ADAMTS4: variants seen among roughly 807,000 people sequenced by gnomAD.
ADAMTS4 encodes A disintegrin and metalloproteinase with thrombospondin motifs 4.
A neutral mutation model predicts 66.7 loss-of-function variants in ADAMTS4; 38 were observed. The ratio of observed to expected loss-of-function variants is 0.57; its 90% CI spans 0.44 to 0.75. The LOEUF (loss-of-function observed/expected upper bound fraction) is 0.75. Ranked by LOEUF, ADAMTS4 falls within the 30% of genes least tolerant of loss-of-function variation. The pLI is 0.00. For missense variants in ADAMTS4, 1,014 were observed against 1,116.7 expected, an observed-to-expected ratio of 0.91 and a Z score of 1.31; for synonymous variants, 418 against 461.5, an observed-to-expected ratio of 0.91 and a Z score of 1.21.
In ADAMTS4 at chr1:161,198,721, G is replaced by T; in HGVS notation, c.-94C>A. On this transcript the variant is annotated 5_prime_UTR_variant, in exon 1 of 9. Coordinates refer to ENST00000367996, the MANE Select transcript of ADAMTS4 (RefSeq NM_005099.6). The surrounding 1 kb of genome is among the most constrained non-coding windows in gnomAD (Gnocchi z 4.7). Reference sequence around the variant, plus strand: ...GGAAAGCTCCTCTCTGTAGCCTGGGGGCTTGGACTCCTGCCAAGGTCAGAG... The same window carrying T: ...GGAAAGCTCCTCTCTGTAGCCTGGGTGCTTGGACTCCTGCCAAGGTCAGAG... 8.1e-7 allele frequency: 1 copy of T among 1,227,402 alleles called. No homozygotes were observed. The highest frequency in any genetic ancestry group is 1.1e-6 in the Non-Finnish European group (1 of 909,858). The allele number at this position is 1,227,402 out of a possible 1,614,324, so 76.0% of individuals were successfully genotyped here.
chr1:161,191,657 T>C, intron 8 of ADAMTS4, 93 bp from the exon 9 acceptor site: 1 of 1,288,620 alleles, frequency 7.8e-7, no homozygotes, highest in South Asian at 1.4e-5. Context: ...TGTACATGTG[T>C]GTAGATGGCT....
In ADAMTS4 at chr1:161,186,753, C is replaced by A. The variant is rs1159184905; in HGVS notation, c.*4385G>T. 6.6e-6 allele frequency: 1 copy of A among 152,218 alleles called. No homozygotes were observed. The highest frequency in any genetic ancestry group is 2.4e-5 in the African/African-American group (1 of 41,408). The allele number at this position is 152,218 out of a possible 1,614,324, so 9.4% of individuals were successfully genotyped here. A position where few individuals can be genotyped will look rare whatever the true frequency, so the allele number is the denominator to read the frequency against. On this transcript the variant is annotated 3_prime_UTR_variant, in exon 9 of 9. Coordinates refer to ENST00000367996, the MANE Select transcript of ADAMTS4 (RefSeq NM_005099.6). Reference sequence around the variant, plus strand: ...GTGGTTCACACTGGTCATCCCAACACTTTGGGAGATCGAGGTGGGAAGATC... The same window carrying A: ...GTGGTTCACACTGGTCATCCCAACAATTTGGGAGATCGAGGTGGGAAGATC...
rs1664587112 is a variant in ADAMTS4 at position 161,188,408 on chromosome 1, AATCTT to A, written c.*2725_*2729del. On this transcript the variant is annotated 3_prime_UTR_variant, in exon 9 of 9. Transcript: ENST00000367996. The stretch of plus-strand genomic sequence containing the variant: ...TGCCACCACGCCCGGCTAATTTTTC[AATCTT>A]TTTTTTTTTTGGTAGAGATGGAATC... 2 of 134,468 alleles carry A rather than the reference AATCTT, an allele frequency of 1.5e-5. No individual in the cohort carries two copies. The highest frequency in any genetic ancestry group is 4.3e-4 in the East Asian group (2 of 4,598). 8.3% of individuals were successfully genotyped at this position (134,468 alleles called of 1,614,324 possible).
At position 161,196,240 on chromosome 1, in the gene ADAMTS4, G is replaced by C. The variant is rs766307909; in HGVS notation, c.1021C>G (p.Pro341Ala). 2 of 1,613,504 alleles carry C rather than the reference G, an allele frequency of 1.2e-6. No homozygotes were observed. Among genetic ancestry groups the C allele is most frequent in the Non-Finnish European group, 1.7e-6 (2 of 1,179,802 alleles). Residue 341 changes from proline to alanine, a missense_variant, in exon 3 of 9, where the codon CCG becomes GCG. Pro to Ala is a conservative substitution (Grantham distance 27). Coordinates refer to ENST00000367996, the MANE Select transcript of ADAMTS4 (RefSeq NM_005099.6). Reference sequence around the variant, plus strand: ...TCCACAATGGCACAGCTCCGAGCCGGGTCACAGACGGTGCCCACATCAGCC... The same window carrying C: ...TCCACAATGGCACAGCTCCGAGCCGCGTCACAGACGGTGCCCACATCAGCC... ...GMADVGTVCD[P>A]ARSCAIVEDD...
At chr1:161,196,357 T>A in intron 2 of ADAMTS4, 54 bp from the exon 3 acceptor site, 1 of 1,554,794 alleles carries the variant, frequency 6.4e-7, no homozygotes, top group East Asian at 2.3e-5. Flanking sequence ...CTGGGTCCAT[T>A]GGGTTGAGAT....
chr1:161,191,443 C>A lies in ADAMTS4; in HGVS notation c.2209G>T (p.Ala737Ser). Residue 737 changes from alanine (A) to serine (S), a missense_variant, in exon 9 of 9, where the codon GCC becomes TCC. By Grantham distance (99) the Ala-to-Ser change is moderately conservative. Transcript: ENST00000367996. ...LALKLPDGSYALNGEYTLMPS... is the reference protein window; with the variant it reads ...LALKLPDGSYSLNGEYTLMPS... ...ATCAGCGTGTATTCACCATTGAGGG[C>A]ATAGGAGCCATCTGGCAGCTTCAGG... The A allele has an allele frequency of 2.5e-6, 4 of 1,614,196 alleles. No homozygotes were observed. Among genetic ancestry groups the A allele is most frequent in the Non-Finnish European group, 3.4e-6 (4 of 1,180,020 alleles).
At position 161,196,250 on chromosome 1, in the gene ADAMTS4, G is replaced by C. The variant is rs200972922; in HGVS notation, c.1011C>G (p.Thr337=). Residue 337 remains threonine, a synonymous_variant, in exon 3 of 9, where the codon ACC becomes ACG. Coordinates refer to ENST00000367996, the MANE Select transcript of ADAMTS4 (RefSeq NM_005099.6). ...CACAGCTCCGAGCCGGGTCACAGAC[G>C]GTGCCCACATCAGCCATACCCAGCG... The part of the protein sequence containing the change: ...CDTLGMADVG[T]VCDPARSCAI... The C allele has an allele frequency of 5.6e-6, 9 of 1,613,588 alleles. No individual in the cohort carries two copies. The Admixed American group carries it at 1.0e-4, about 18-fold the overall frequency.
rs1664656992 is a variant in ADAMTS4 at position 161,190,982 on chromosome 1, G to A, written c.*156C>T. 11 of 863,236 alleles carry A rather than the reference G, an allele frequency of 1.3e-5. No individual in the cohort carries two copies. The South Asian group carries it at 2.3e-4, about 18-fold the overall frequency. The allele number at this position is 863,236 out of a possible 1,614,324, so 53.5% of individuals were successfully genotyped here. Reference sequence around the variant, plus strand: ...CTCCCAGGGCAGGAAACCAGGGCAGGGCCAGCCTGCGCATTAGGGCAGAGA... The same window carrying A: ...CTCCCAGGGCAGGAAACCAGGGCAGAGCCAGCCTGCGCATTAGGGCAGAGA... On this transcript the variant is annotated 3_prime_UTR_variant, in exon 9 of 9. Coordinates refer to ENST00000367996, the MANE Select transcript of ADAMTS4 (RefSeq NM_005099.6).
At position 161,191,170 on chromosome 1, in the gene ADAMTS4, G is replaced by A. The variant is rs770065512; in HGVS notation, c.2482C>T (p.Leu828Phe). 1 of 1,575,286 alleles carries A rather than the reference G, an allele frequency of 6.3e-7. No homozygotes were observed. ...CTGCCCGCCCAGGGGCGCCGCCGAA[G>A]GATCTCCAGAATCTGTGCTCTTCGG... ...LHRRAQILEI[L>F]RRRPWAGRK Residue 828 changes from leucine (L) to phenylalanine (F), a missense_variant, in exon 9 of 9, where the codon CTT becomes TTT. By Grantham distance (22) the Leu-to-Phe change is conservative. Coordinates refer to ENST00000367996, the MANE Select transcript of ADAMTS4 (RefSeq NM_005099.6).
intron 2 of ADAMTS4, 55 bp downstream of exon 2, chr1:161,196,502 T>C (rs1664844462): frequency 1.3e-6 from 2 of 1,568,606 alleles, no homozygotes; most frequent in Non-Finnish European, 1.7e-6. Context: ...GTCTATGTAG[T>C]GGCGCTTCTT....
chr1:161,197,990 C>T lies in ADAMTS4; in HGVS notation c.633+5G>A, dbSNP rs1229070779. The T allele has an allele frequency of 3.9e-6, 6 of 1,550,132 alleles. No individual in the cohort carries two copies. In the Admixed American group the frequency reaches 1.1e-4, roughly 29 times the overall value. ...CCGCAGGACACAGACTCCAGAGATG[C>T]CTACCTTGGCTCTTCGGGGTCTGGG... is the stretch of plus-strand genomic sequence containing the variant. On this transcript the variant is annotated splice_donor_5th_base_variant and intron_variant, in intron 1 of 8. Coordinates refer to ENST00000367996, the MANE Select transcript of ADAMTS4 (RefSeq NM_005099.6).
chr1:161,188,953 A>G lies in ADAMTS4; in HGVS notation c.*2185T>C, dbSNP rs1046460644. 5.0e-5 allele frequency: 7 copies of G among 140,606 alleles called. No individual in the cohort carries two copies. Among genetic ancestry groups the G allele is most frequent in the African/African-American group, 1.8e-4 (7 of 37,998 alleles). 8.7% of individuals were successfully genotyped at this position (140,606 alleles called of 1,614,324 possible). On this transcript the variant is annotated 3_prime_UTR_variant, in exon 9 of 9. Transcript: ENST00000367996. ...ACGGGGTTTCACTGTGGTAGCCAGG[A>G]TGGTCGGTCTCAATCTCCTGACCTC...
In ADAMTS4 at chr1:161,194,261, A is replaced by G. The variant is rs1365660973; in HGVS notation, c.1262-40T>C. ...GGGGCACAAAGTCAGCAACGGGCTG[A>G]GGGGAGCATTCAGGATTGCCAGCAG... On this transcript the variant is annotated intron_variant, in intron 4 of 8. Transcript: ENST00000367996. This position sits in a 1 kb window ranked among gnomAD's most constrained non-coding sequence, Gnocchi z 4.1. 3.2e-6 allele frequency: 5 copies of G among 1,585,518 alleles called. No homozygotes were observed. In the African/African-American group the frequency reaches 6.7e-5, roughly 21 times the overall value.
intron 8 of ADAMTS4, 133 bp from the exon 9 acceptor site, chr1:161,191,697 C>T (rs1664687871): frequency 2.1e-6 from 2 of 945,390 alleles, no homozygotes; most frequent in East Asian, 5.2e-5. Flanking sequence ...GCTGTTCGGT[C>T]TGGATCAGAG....
rs1571575602 is a variant in ADAMTS4, at chr1:161,190,910, A to G, written c.*228T>C. ...CCGCAGGGCAGAGGGGGCAGTTTAG[A>G]TGGAGGGCTGTCTGTCAGCCCCTTC... On this transcript the variant is annotated 3_prime_UTR_variant, in exon 9 of 9. Coordinates refer to ENST00000367996, the MANE Select transcript of ADAMTS4 (RefSeq NM_005099.6). The G allele has an allele frequency of 2.1e-6, 1 of 487,262 alleles. No individual in the cohort carries two copies. Among genetic ancestry groups the G allele is most frequent in the East Asian group, 3.1e-5 (1 of 31,972 alleles). 30.2% of individuals were successfully genotyped at this position (487,262 alleles called of 1,614,324 possible).
chr1:161,185,414 G>T lies in ADAMTS4; in HGVS notation c.*5724C>A, dbSNP rs1181419165. On this transcript the variant is annotated 3_prime_UTR_variant, in exon 9 of 9. Transcript: ENST00000367996. ...GTCCCCATGTAAGATCCTGCCTGGG[G>T]AAGTTGTTCAGTGTTGTTGCTCCCC... 3.9e-5 allele frequency: 6 copies of T among 152,022 alleles called. No individual in the cohort carries two copies. The highest frequency in any genetic ancestry group is 7.4e-5 in the Non-Finnish European group (5 of 68,022). The allele number at this position is 152,022 out of a possible 1,614,324, so 9.4% of individuals were successfully genotyped here. A position where few individuals can be genotyped will look rare whatever the true frequency, so the allele number is the denominator to read the frequency against.
At position 161,195,209 on chromosome 1, in the gene ADAMTS4, G is replaced by A. The variant is rs191735185; in HGVS notation, c.1261+256C>T. Among the ~76,000 whole-genome samples, 343 of 152,316 alleles carry A rather than the reference G, an allele frequency of 2.3e-3. 1 individual carries two copies. The highest frequency in any genetic ancestry group is 3.6e-3 in the Non-Finnish European group (248 of 68,028). ...TCCTTCATAGCCAGCCCATTCCAGT[G>A]GTGGACAGTTCTGGCCCTCAGAAAG... On this transcript the variant is annotated intron_variant, in intron 4 of 8. Coordinates refer to ENST00000367996, the MANE Select transcript of ADAMTS4 (RefSeq NM_005099.6).
chr1:161,189,683 T>C lies in ADAMTS4; in HGVS notation c.*1455A>G, dbSNP rs892531279. On this transcript the variant is annotated 3_prime_UTR_variant, in exon 9 of 9. Coordinates refer to ENST00000367996, the MANE Select transcript of ADAMTS4 (RefSeq NM_005099.6). ...CCTTCAAGTGCATATGGAGAGTGGA[T>C]GTGGACAGAAATTTGATAACAGTAA... 1 of 152,164 alleles carries C rather than the reference T, an allele frequency of 6.6e-6. No homozygotes were observed. The highest frequency in any genetic ancestry group is 1.5e-5 in the Non-Finnish European group (1 of 68,026). 9.4% of individuals were successfully genotyped at this position (152,164 alleles called of 1,614,324 possible). A position where few individuals can be genotyped will look rare whatever the true frequency, so the allele number is the denominator to read the frequency against.
Position 161,193,786 on chromosome 1 carries a change from C to T in ADAMTS4, c.1589G>A (p.Gly530Asp). 6.2e-7 allele frequency: 1 copy of T among 1,612,230 alleles called. No individual in the cohort carries two copies. Residue 530 changes from glycine (G) to aspartate (D), a missense_variant, in exon 6 of 9, where the codon GGT (glycine) becomes GAT (aspartate). Transcript: ENST00000367996. This position sits in a 1 kb window ranked among gnomAD's most constrained non-coding sequence, Gnocchi z 4.4. ...ACCCCCACAGGTCCGAGAGCAGTCA[C>T]CCCATGGTCCCCAAGGACCCCAGCC... is the stretch of plus-strand genomic sequence containing the variant. Reference protein sequence around the residue: ...AGGWGPWGPWGDCSRTCGGGV... With the variant: ...AGGWGPWGPWDDCSRTCGGGV...
Sources: allele counts gnomAD v4.1 joint callset (sites outside exome capture counted in the v4.1 genomes callset), GRCh38; gene constraint gnomAD v4.1.1; non-coding constraint Gnocchi (gnomAD v3.1); transcripts MANE v1.5; gene names NCBI Gene and HGNC (gene_info 2026-07-23, HGNC 2026-07-21).